PPARD: variants seen among roughly 807,000 people sequenced by gnomAD.
PPARD encodes the protein peroxisome proliferator-activated receptor delta.
In PPARD, 6 loss-of-function variants were observed where a neutral mutation model predicts 39.5. The ratio of observed to expected loss-of-function variants is 0.15; its 90% CI spans 0.08 to 0.30. The LOEUF (loss-of-function observed/expected upper bound fraction) is 0.30. Ranked by LOEUF, PPARD falls within the 10% of genes least tolerant of loss-of-function variation. PPARD has a pLI of 1.00. For missense variants in PPARD, 397 were observed against 596.8 expected, an observed-to-expected ratio of 0.67 and a Z score of 3.49; for synonymous variants, 210 against 231.3, an observed-to-expected ratio of 0.91 and a Z score of 0.83.
chr6:35,352,379 T>C (rs1392504481), intron 2 of PPARD, among the ~76,000 whole-genome samples: 1 of 151,712 alleles, frequency 6.6e-6, no homozygotes, highest in Non-Finnish European at 1.5e-5. Flanking sequence ...AGAGATGGGG[T>C]TTCACCATAT....
At chr6:35,396,002 G>A (rs577518639) in intron 2 of PPARD, among the ~76,000 whole-genome samples, 1 of 152,220 alleles carries the variant, frequency 6.6e-6, no homozygotes, top group East Asian at 1.9e-4. Flanking sequence ...AGGCTCCATG[G>A]AAGAAGAGTT....
chr6:35,418,146 G>A (rs1211556033), intron 3 of PPARD, among the ~76,000 whole-genome samples: 1 of 152,202 alleles, frequency 6.6e-6, no homozygotes, highest in Non-Finnish European at 1.5e-5. Context: ...GGAAGCAGAC[G>A]TGCAGGCCAC....
chr6:35,363,260 C>G lies in PPARD; in HGVS notation c.-102+16110C>G, dbSNP rs1311419556. Among the ~76,000 whole-genome samples, 1 of 152,176 alleles carries G rather than the reference C, an allele frequency of 6.6e-6. No homozygotes were observed. The highest frequency in any genetic ancestry group is 1.5e-5 in the Non-Finnish European group (1 of 68,036). On this transcript the variant is annotated intron_variant, in intron 2 of 7. Coordinates refer to ENST00000360694, the MANE Select transcript of PPARD (RefSeq NM_006238.5). This position sits in a 1 kb window ranked among gnomAD's most constrained non-coding sequence, Gnocchi z 4.5. ...TTTCTGGGCCACTTTGGCCTGCACA[C>G]AGGTTGGGCTAGGAATTCATGCTTA...
intron 2 of PPARD, among the ~76,000 whole-genome samples, chr6:35,393,686 A>G (rs989744315): frequency 6.6e-6 from 1 of 152,176 alleles, no homozygotes; most frequent in Non-Finnish European, 1.5e-5. Context: ...CTGAATCTCT[A>G]GGGTGCTTTG....
intron 2 of PPARD, among the ~76,000 whole-genome samples, chr6:35,400,599 A>G (rs1764641889): frequency 6.6e-6 from 1 of 152,086 alleles, no homozygotes; most frequent in South Asian, 2.1e-4. Context: ...CAGGAGTTCG[A>G]GACCAGCCTG....
At chr6:35,379,248 C>T (rs1762996071) in intron 2 of PPARD, among the ~76,000 whole-genome samples, 1 of 152,050 alleles carries the variant, frequency 6.6e-6, no homozygotes, top group African/African-American at 2.4e-5. Context: ...GGGTTACAGG[C>T]ATCCGCCACC....
intron 2 of PPARD, among the ~76,000 whole-genome samples, chr6:35,350,673 T>C (rs1193729177): frequency 0.096 from 5 of 52 alleles, no homozygotes; most frequent in African/African-American, 0.23. Flanking sequence ...CAGGATGGAG[T>C]GCAGTGGCGT....
chr6:35,396,108 C>A (rs527374608), intron 2 of PPARD, among the ~76,000 whole-genome samples: 1 of 152,226 alleles, frequency 6.6e-6, no homozygotes, highest in Admixed American at 6.5e-5. Flanking sequence ...CCATCTTCCT[C>A]TCCTGGGTCT....
At chr6:35,411,978 G>T (rs1765461376) in intron 3 of PPARD, among the ~76,000 whole-genome samples, 1 of 152,148 alleles carries the variant, frequency 6.6e-6, no homozygotes, top group Non-Finnish European at 1.5e-5. Context: ...GCCCAGACTA[G>T]AGTGCAGTGG....
intron 2 of PPARD, among the ~76,000 whole-genome samples, chr6:35,402,919 C>T (rs1214945375): frequency 1.3e-5 from 2 of 152,212 alleles, no homozygotes; most frequent in Admixed American, 6.5e-5. Flanking sequence ...GCACCTGCCA[C>T]GGAGACGGGG....
Position 35,347,124 on chromosome 6 carries a change from A to G in PPARD, c.-128A>G, listed in dbSNP as rs1792231652. On this transcript the variant is annotated 5_prime_UTR_variant, in exon 2 of 8. Transcript: ENST00000360694. ...CTCACACAGTGGCTTCTGCTCACCAACAGATGAAGACAGATGCACCAACGA... is the reference window on the plus strand; with the variant it reads ...CTCACACAGTGGCTTCTGCTCACCAGCAGATGAAGACAGATGCACCAACGA... 7 of 1,535,976 alleles carry G rather than the reference A, an allele frequency of 4.6e-6. No homozygotes were observed. In the Middle Eastern group the frequency reaches 5.0e-4, roughly 109 times the overall value.
At chr6:35,384,900 C>T (rs1363903053) in intron 2 of PPARD, among the ~76,000 whole-genome samples, 29 of 125,396 alleles carry the variant, frequency 2.3e-4, no homozygotes, top group Middle Eastern at 4.7e-3. Context: ...TCTGCCTGGC[C>T]GCCCCTACTG....
At chr6:35,423,880 G>A (rs1766384608) in intron 5 of PPARD, 66 bp from the exon 6 acceptor site, 1 of 1,526,176 alleles carries the variant, frequency 6.6e-7, no homozygotes. Flanking sequence ...CCTGTAAAGG[G>A]ATGGGGATGT....
At chr6:35,355,380 C>T (rs529957279) in intron 2 of PPARD, among the ~76,000 whole-genome samples, 3 of 151,568 alleles carry the variant, frequency 2.0e-5, no homozygotes, top group East Asian at 3.9e-4. Flanking sequence ...GGCGAAACCC[C>T]GTCTCTACAA....
At chr6:35,394,679 G>A (rs1011387310) in intron 2 of PPARD, among the ~76,000 whole-genome samples, 1 of 151,686 alleles carries the variant, frequency 6.6e-6, no homozygotes, top group Non-Finnish European at 1.5e-5. Context: ...GCTGAGGTGG[G>A]AGAATCACTT....
chr6:35,345,874 G>GTTTTTTT (rs947186291), intron 1 of PPARD, among the ~76,000 whole-genome samples: 6 of 114,610 alleles, frequency 5.2e-5, no homozygotes, highest in African/African-American at 7.1e-5. Context: ...CTTTTTTTTC[G>GTTTTTTT]TTTTTTTTTT....
At chr6:35,353,973 C>G (rs1761410076) in intron 2 of PPARD, among the ~76,000 whole-genome samples, 1 of 152,162 alleles carries the variant, frequency 6.6e-6, no homozygotes, top group African/African-American at 2.4e-5. Context: ...TGGCTCACGC[C>G]TGTAATCTCA....
At chr6:35,394,223 C>T (rs144063710) in intron 2 of PPARD, among the ~76,000 whole-genome samples, 2 of 152,254 alleles carry the variant, frequency 1.3e-5, no homozygotes, top group East Asian at 1.9e-4. Context: ...GAGTGTGTCG[C>T]GGATGCGCAG....
chr6:35,409,161 C>T (rs769044469), intron 2 of PPARD, among the ~76,000 whole-genome samples: 5 of 151,940 alleles, frequency 3.3e-5, no homozygotes, highest in Non-Finnish European at 7.4e-5. Context: ...TGATCACTCC[C>T]TCTCATCTTC....
Sources: allele counts gnomAD v4.1 joint callset (sites outside exome capture counted in the v4.1 genomes callset), GRCh38; gene constraint gnomAD v4.1.1; non-coding constraint Gnocchi (gnomAD v3.1); transcripts MANE v1.5; gene names NCBI Gene and HGNC (gene_info 2026-07-23, HGNC 2026-07-21).